The following ROCK2 variants were observed in gnomAD, a reference collection of about 807,000 sequenced individuals.
ROCK2 encodes the protein Rho associated coiled-coil containing protein kinase 2.
Under a neutral mutation model 195.1 loss-of-function variants are expected in ROCK2, and 61 were observed. That is an observed-to-expected ratio of 0.31 (90% confidence interval 0.25 to 0.39). The LOEUF is 0.39. Among genes scored for constraint, ROCK2 ranks in the 10% least tolerant of loss-of-function variants. The probability of loss-of-function intolerance (pLI) is 1.00; values close to 1 mark genes in which losing one functional copy is unlikely to be tolerated. For synonymous variants in ROCK2, 504 were observed against 545.5 expected, an observed-to-expected ratio of 0.92 and a Z score of 1.06; for missense variants, 1,109 against 1,637.4, an observed-to-expected ratio of 0.68 and a Z score of 5.57.
At chr2:11,185,317 C>T (rs959021668) in intron 32 of ROCK2, among the ~76,000 whole-genome samples, 1 of 152,228 alleles carries the variant, frequency 6.6e-6, no homozygotes, top group Admixed American at 6.5e-5. Flanking sequence ...GCCACAGGTA[C>T]ATAAGTAGCA....
chr2:11,327,879 A>G (rs1668595321), intron 1 of ROCK2, among the ~76,000 whole-genome samples: 1 of 152,222 alleles, frequency 6.6e-6, no homozygotes. Context: ...CCGTTTTTAA[A>G]GGGGCATATG....
At chr2:11,256,145 T>C (rs1666026535) in intron 3 of ROCK2, among the ~76,000 whole-genome samples, 2 of 150,874 alleles carry the variant, frequency 1.3e-5, no homozygotes, top group Admixed American at 1.3e-4. Flanking sequence ...TAAAAAGCAA[T>C]TATAGTTCAC....
chr2:11,221,092 A>G, intron 9 of ROCK2, 106 bp downstream of exon 9: 1 of 800,782 alleles, frequency 1.2e-6, no homozygotes, highest in Non-Finnish European at 1.8e-6. Flanking sequence ...CCTTTTGGAA[A>G]AAACAAATTA....
At chr2:11,330,814 A>G (rs1327023903) in intron 1 of ROCK2, among the ~76,000 whole-genome samples, 1 of 18,916 alleles carries the variant, frequency 5.3e-5, no homozygotes, top group Non-Finnish European at 9.7e-5. Context: ...GAGAGGAGGA[A>G]GGGGAGGAGG....
chr2:11,233,222 C>CA (rs1390077026), intron 5 of ROCK2, among the ~76,000 whole-genome samples: 2 of 151,822 alleles, frequency 1.3e-5, no homozygotes, highest in Non-Finnish European at 2.9e-5. Flanking sequence ...ACAATAACAA[C>CA]AAAAAAAGAT....
Position 11,192,481 on chromosome 2 carries a change from T to G in ROCK2, c.3919A>C (p.Lys1307Gln). The G allele has an allele frequency of 6.2e-7, 1 of 1,614,174 alleles. No individual in the cohort carries two copies. Among genetic ancestry groups the G allele is most frequent in the East Asian group, 2.2e-5 (1 of 44,880 alleles). The part of the protein sequence containing the change: ...HIKCHKDHMD[K>Q]KEEIIAPCKV... ...CAAGGTGCTATAATCTCCTCCTTTT[T>G]GTCCATATGATCTTTATGACACTTA... The change falls in exon 31 of 33, where the codon AAA becomes CAA. Residue 1307 changes from lysine to glutamine, a missense_variant. Lys to Gln is a moderately conservative substitution (Grantham distance 53). Coordinates refer to ENST00000315872, the MANE Select transcript of ROCK2 (RefSeq NM_004850.5). This position sits in a 1 kb window ranked among gnomAD's most constrained non-coding sequence, Gnocchi z 5.0.
At chr2:11,227,427 A>G in intron 5 of ROCK2, 29 bp from the exon 6 acceptor site, 2 of 1,592,936 alleles carry the variant, frequency 1.3e-6, no homozygotes, top group Non-Finnish European at 1.7e-6. Context: ...TAAAGAAAAA[A>G]CAGTTCAGTG....
chr2:11,341,606 T>C (rs1669108335), intron 1 of ROCK2, among the ~76,000 whole-genome samples: 1 of 152,214 alleles, frequency 6.6e-6, no homozygotes, highest in South Asian at 2.1e-4. Context: ...TATACTATTT[T>C]TAATGGTACT....
intron 23 of ROCK2, among the ~76,000 whole-genome samples, chr2:11,200,703 A>G (rs1663820757): frequency 6.6e-6 from 1 of 152,118 alleles, no homozygotes. Context: ...CTTCTGAACT[A>G]AGTTCTGTTT....
chr2:11,343,970 C>A (rs200302902), intron 1 of ROCK2, 26 bp downstream of exon 1: 1 of 1,583,210 alleles, frequency 6.3e-7, no homozygotes, highest in East Asian at 2.5e-5. Context: ...CTGCAACGAG[C>A]AAGCTCCCAG....
At chr2:11,263,000 T>C (rs1193474385) in intron 3 of ROCK2, among the ~76,000 whole-genome samples, 1 of 152,222 alleles carries the variant, frequency 6.6e-6, no homozygotes, top group Non-Finnish European at 1.5e-5. Flanking sequence ...TCACATTTTC[T>C]GTTTGTGGCA....
chr2:11,312,998 G>A (rs1009544841), intron 1 of ROCK2, among the ~76,000 whole-genome samples: 4 of 152,030 alleles, frequency 2.6e-5, no homozygotes, highest in Non-Finnish European at 5.9e-5. Flanking sequence ...AGTGGAGCAC[G>A]GGGGAGTTTT....
chr2:11,335,864 C>A (rs1472855604), intron 1 of ROCK2, among the ~76,000 whole-genome samples: 1 of 152,114 alleles, frequency 6.6e-6, no homozygotes, highest in African/African-American at 2.4e-5. Flanking sequence ...ATCCTGGTAA[C>A]AGAGAATTTC....
chr2:11,336,153 A>G (rs1668922332), intron 1 of ROCK2, among the ~76,000 whole-genome samples: 1 of 152,264 alleles, frequency 6.6e-6, no homozygotes, highest in Non-Finnish European at 1.5e-5. Flanking sequence ...ATAATTTAAA[A>G]AATGACAAAT....
chr2:11,202,162 T>C (rs1238982728), intron 20 of ROCK2, 41 bp from the exon 21 acceptor site: 1 of 1,514,432 alleles, frequency 6.6e-7, no homozygotes, highest in Admixed American at 1.7e-5. Context: ...AACTTACACA[T>C]ATTTTAAACG....
At position 11,257,633 on chromosome 2, in the gene ROCK2, C is replaced by T. The variant is rs142247857; in HGVS notation, c.325-7835G>A. Among the ~76,000 whole-genome samples the T allele has an allele frequency of 3.4e-3, 514 of 151,220 alleles. 30 individuals carry two copies. Among genetic ancestry groups the T allele is most frequent in the African/African-American group, 0.011 (462 of 40,606 alleles). ...ATTCCAGGAATACCAGAATCACCTCCGCAGATATGGAAATGTGAATCTGGA... is the reference window on the plus strand; with the variant it reads ...ATTCCAGGAATACCAGAATCACCTCTGCAGATATGGAAATGTGAATCTGGA... On this transcript the variant is annotated intron_variant, in intron 3 of 32. Coordinates refer to ENST00000315872, the MANE Select transcript of ROCK2 (RefSeq NM_004850.5).
intron 4 of ROCK2, among the ~76,000 whole-genome samples, chr2:11,238,242 C>G (rs62121404): frequency 0.11 from 4,318 of 40,114 alleles, 105 homozygotes; most frequent in East Asian, 0.24. Flanking sequence ...GTGTGTGTGT[C>G]TGTTGTGTGT....
chr2:11,334,114 A>G (rs1461755059), intron 1 of ROCK2, among the ~76,000 whole-genome samples: 1 of 152,236 alleles, frequency 6.6e-6, no homozygotes, highest in Non-Finnish European at 1.5e-5. Flanking sequence ...CTATGGATAG[A>G]TAAGAACTTA....
chr2:11,192,750 A>C lies in ROCK2; in HGVS notation c.3688-38T>G. On this transcript the variant is annotated intron_variant, in intron 30 of 32. Coordinates refer to ENST00000315872, the MANE Select transcript of ROCK2 (RefSeq NM_004850.5). The surrounding 1 kb of genome is among the most constrained non-coding windows in gnomAD (Gnocchi z 5.0). ...AAAGAACAATAAGTGATTTCCAAAC[A>C]TGCTATTTTTTTATGTAGGAACAAT... 6.4e-7 allele frequency: 1 copy of C among 1,568,788 alleles called. No homozygotes were observed. The highest frequency in any genetic ancestry group is 8.6e-7 in the Non-Finnish European group (1 of 1,159,402).
Sources: gnomAD v4.1 joint callset for allele counts (sites outside exome capture counted in the v4.1 genomes callset) on GRCh38, gnomAD v4.1.1 for gene constraint, Gnocchi (gnomAD v3.1) non-coding constraint, MANE v1.5 for transcripts, NCBI Gene and HGNC (gene_info 2026-07-23, HGNC 2026-07-21) for gene names.